Variants in CNTNAP4 observed in about 807,000 individuals in gnomAD.
CNTNAP4 encodes the protein contactin-associated protein-like 4.
CNTNAP4 carries 98 observed loss-of-function variants against 148.4 expected under a neutral mutation model. The observed-to-expected ratio is 0.66, with a 90% CI of 0.56 to 0.78. The LOEUF is 0.78. CNTNAP4 is among the 30% of genes least tolerant of loss of function. The probability of loss-of-function intolerance (pLI) is 0.00; values close to 1 mark genes in which losing one functional copy is unlikely to be tolerated. For synonymous variants in CNTNAP4, 730 were observed against 565.1 expected, an observed-to-expected ratio of 1.29 and a Z score of -4.14; for missense variants, 1,935 against 1,565.6, an observed-to-expected ratio of 1.24 and a Z score of -3.98.
intron 3 of CNTNAP4, among the ~76,000 whole-genome samples, chr16:76,396,899 A>G (rs549056786): frequency 6.7e-4 from 102 of 152,334 alleles, no homozygotes; most frequent in African/African-American, 2.4e-3. Flanking sequence ...TATCACAAGA[A>G]TAATTAGGTA....
chr16:76,279,297 T>A (rs1465403397), intron 1 of CNTNAP4, among the ~76,000 whole-genome samples: 2 of 152,226 alleles, frequency 1.3e-5, no homozygotes, highest in African/African-American at 4.8e-5. Context: ...CTCCATTCAG[T>A]CTTTCCACTA....
At position 76,550,820 on chromosome 16, in the gene CNTNAP4, T is replaced by A. The variant is rs536655920; in HGVS notation, c.3443-2463T>A. Among the ~76,000 whole-genome samples the A allele has an allele frequency of 7.2e-5, 11 of 152,264 alleles. No homozygotes were observed. In the South Asian group the frequency reaches 1.0e-3, roughly 14 times the overall value. On this transcript the variant is annotated intron_variant, in intron 21 of 23. Transcript: ENST00000611870. ...CATTGATGAACTGCCTCCTATATAA[T>A]GACGTTATGCTGGATGTTGGCAGTC... is the stretch of plus-strand genomic sequence containing the variant.
Position 76,289,070 on chromosome 16 carries a change from T to A in CNTNAP4, c.85+11323T>A, listed in dbSNP as rs907761809. 5.3e-5 allele frequency among the ~76,000 whole-genome samples: 8 copies of A among 151,342 alleles called. No homozygotes were observed. In the South Asian group the frequency reaches 6.2e-4, roughly 12 times the overall value. ...CTCTTTTCCTTTCCCTCTCACCTTT[T>A]AAAAAAAAAATTTATAGCAAATGTA... On this transcript the variant is annotated intron_variant, in intron 1 of 23. Coordinates refer to ENST00000611870, the MANE Select transcript of CNTNAP4 (RefSeq NM_033401.5).
At chr16:76,417,534 T>C (rs750119613) in intron 3 of CNTNAP4, among the ~76,000 whole-genome samples, 3 of 151,654 alleles carry the variant, frequency 2.0e-5, no homozygotes, top group Non-Finnish European at 4.4e-5. Context: ...GAATGTAATA[T>C]TAATTTGCAA....
chr16:76,304,878 A>C (rs9923941), intron 1 of CNTNAP4, among the ~76,000 whole-genome samples: 45,395 of 152,048 alleles, frequency 0.3, 7,706 homozygotes, highest in Non-Finnish European at 0.39. Flanking sequence ...TGTAACCTTT[A>C]AGATAGACTT....
intron 3 of CNTNAP4, among the ~76,000 whole-genome samples, chr16:76,402,739 C>T (rs529911476): frequency 1.1e-4 from 17 of 152,180 alleles, no homozygotes; most frequent in Non-Finnish European, 2.2e-4. Flanking sequence ...TCTGGTAGGT[C>T]GTATCTTTGT....
chr16:76,390,541 A>C (rs1203923599), intron 3 of CNTNAP4, among the ~76,000 whole-genome samples: 1 of 151,056 alleles, frequency 6.6e-6, no homozygotes, highest in Non-Finnish European at 1.5e-5. Flanking sequence ...ACTGCAACTT[A>C]ATGCTATCTC....
chr16:76,449,994 A>G lies in CNTNAP4; in HGVS notation c.1071+136A>G, dbSNP rs759707280. 384 of 670,802 alleles carry G rather than the reference A, an allele frequency of 5.7e-4. 1 individual carries two copies. The highest frequency in any genetic ancestry group is 8.8e-4 in the Non-Finnish European group (368 of 417,896). The allele number at this position is 670,802 out of a possible 1,614,324, so 41.6% of individuals were successfully genotyped here. On this transcript the variant is annotated intron_variant, in intron 7 of 23. Coordinates refer to ENST00000611870, the MANE Select transcript of CNTNAP4 (RefSeq NM_033401.5). ...TTTAAATATTTTTCTTTGATTGGCA[A>G]TATGCATATAAAAGATTGGTTCTAT...
chr16:76,426,459 A>G (rs2079407444), intron 3 of CNTNAP4, among the ~76,000 whole-genome samples: 1 of 152,156 alleles, frequency 6.6e-6, no homozygotes, highest in Non-Finnish European at 1.5e-5. Context: ...GAGGAGAAGG[A>G]GGACCATGAC....
At chr16:76,324,464 G>A (rs1259372559) in intron 2 of CNTNAP4, among the ~76,000 whole-genome samples, 1 of 152,092 alleles carries the variant, frequency 6.6e-6, no homozygotes, top group Non-Finnish European at 1.5e-5. Context: ...TGATTTATGA[G>A]GGCATAGCTG....
chr16:76,285,751 T>A (rs1460027547), intron 1 of CNTNAP4, among the ~76,000 whole-genome samples: 1 of 152,096 alleles, frequency 6.6e-6, no homozygotes, highest in African/African-American at 2.4e-5. Flanking sequence ...TCTGCAATTA[T>A]GACCTACGGA....
intron 2 of CNTNAP4, among the ~76,000 whole-genome samples, chr16:76,322,957 G>C (rs6564320): frequency 0.32 from 48,661 of 151,472 alleles, 8,235 homozygotes; most frequent in Non-Finnish European, 0.35. Context: ...GCCTTGGTCT[G>C]CTGAGTATCT....
intron 1 of CNTNAP4, among the ~76,000 whole-genome samples, chr16:76,280,710 C>A (rs945553893): frequency 8.5e-5 from 13 of 152,074 alleles, no homozygotes; most frequent in African/African-American, 3.1e-4. Flanking sequence ...CGGATCCTTG[C>A]AGATGGGTGT....
chr16:76,401,989 T>G (rs2078434961), intron 3 of CNTNAP4, among the ~76,000 whole-genome samples: 1 of 152,210 alleles, frequency 6.6e-6, no homozygotes, highest in Admixed American at 6.5e-5. Context: ...TCAAAAATAT[T>G]GTCCTGAAGT....
At chr16:76,463,176 C>T (rs1294395200) in intron 9 of CNTNAP4, among the ~76,000 whole-genome samples, 1 of 152,126 alleles carries the variant, frequency 6.6e-6, no homozygotes, top group East Asian at 1.9e-4. Flanking sequence ...GATTTTATGG[C>T]AATCCATAGT....
At chr16:76,310,517 A>G (rs1960984599) in intron 1 of CNTNAP4, among the ~76,000 whole-genome samples, 1 of 152,156 alleles carries the variant, frequency 6.6e-6, no homozygotes, top group South Asian at 2.1e-4. Context: ...ACTATTTGGA[A>G]TAGGTCTAAA....
At chr16:76,387,993 A>T (rs577910587) in intron 3 of CNTNAP4, among the ~76,000 whole-genome samples, 5 of 152,328 alleles carry the variant, frequency 3.3e-5, no homozygotes, top group African/African-American at 1.2e-4. Context: ...ACCCAATACT[A>T]TGTAAATATT....
chr16:76,521,993 C>G, intron 16 of CNTNAP4, 46 bp from the exon 17 acceptor site: 1 of 1,562,974 alleles, frequency 6.4e-7, no homozygotes, highest in African/African-American at 1.4e-5. Flanking sequence ...CTCGGCACTT[C>G]GCCATAGGAA....
chr16:76,409,238 C>A (rs1251066169), intron 3 of CNTNAP4, among the ~76,000 whole-genome samples: 1 of 151,828 alleles, frequency 6.6e-6, no homozygotes, highest in Non-Finnish European at 1.5e-5. Flanking sequence ...CTTTAGGGAG[C>A]AGCAAGGCGT....
Sources: gnomAD v4.1 joint callset for allele counts (sites outside exome capture counted in the v4.1 genomes callset) on GRCh38, gnomAD v4.1.1 for gene constraint, MANE v1.5 for transcripts, NCBI Gene and HGNC (gene_info 2026-07-23, HGNC 2026-07-21) for gene names.